Variants in TP73 observed in about 807,000 individuals in gnomAD.
The protein encoded by TP73 is p53-like transcription factor.
A neutral mutation model predicts 62.5 loss-of-function variants in TP73; 25 were observed. The ratio of observed to expected loss-of-function variants is 0.40; its 90% CI spans 0.29 to 0.56. The LOEUF (loss-of-function observed/expected upper bound fraction) is 0.56, where lower values mean the gene tolerates loss of function less well. Ranked by LOEUF, TP73 falls within the 20% of genes least tolerant of loss-of-function variation. TP73 has a pLI of 0.46. For synonymous variants in TP73, 423 were observed against 377.5 expected (o/e 1.12, Z -1.40); for missense variants, 754 against 913.3 (o/e 0.83, Z 2.25).
chr1:3,677,359 C>T (rs965224402), intron 1 of TP73, among the ~76,000 whole-genome samples: 18 of 152,144 alleles, frequency 1.2e-4, no homozygotes, highest in African/African-American at 4.3e-4. Context: ...GGACTTGGAA[C>T]GCTGGTCACC....
chr1:3,674,757 A>G (rs1645325038), intron 1 of TP73, among the ~76,000 whole-genome samples: 1 of 152,092 alleles, frequency 6.6e-6, no homozygotes, highest in Non-Finnish European at 1.5e-5. Context: ...TGGAGGGGAG[A>G]GTGAGGCCCC....
intron 1 of TP73, among the ~76,000 whole-genome samples, chr1:3,674,077 G>C (rs563660011): frequency 6.6e-6 from 1 of 152,348 alleles, no homozygotes; most frequent in South Asian, 2.1e-4. Context: ...CCGTCGTGGG[G>C]TGGCTGGAAT....
At chr1:3,656,758 C>T (rs1644874707) in intron 1 of TP73, among the ~76,000 whole-genome samples, 1 of 152,202 alleles carries the variant, frequency 6.6e-6, no homozygotes, top group Non-Finnish European at 1.5e-5. Flanking sequence ...AAGGGCCCTT[C>T]CAGAACATCT....
chr1:3,685,336 G>A (rs995964946), intron 3 of TP73, among the ~76,000 whole-genome samples: 3 of 152,186 alleles, frequency 2.0e-5, no homozygotes, highest in Admixed American at 2.0e-4. Flanking sequence ...CCACTCCCCA[G>A]CCACAGGGTG....
rs1302279952 is a variant in TP73 at position 3,662,892 on chromosome 1, C to T, written c.-34+10251C>T. On this transcript the variant is annotated intron_variant, in intron 1 of 13. Coordinates refer to ENST00000378295, the MANE Select transcript of TP73 (RefSeq NM_005427.4). The surrounding 1 kb of genome is among the most constrained non-coding windows in gnomAD (Gnocchi z 4.4). ...GACAGCATGGGGCTGCCTCTTCCAG[C>T]AGCTCCGAGCGCTCTCAGAGAAAAA... is the stretch of plus-strand genomic sequence containing the variant. Among the ~76,000 whole-genome samples, 1 of 152,210 alleles carries T rather than the reference C, an allele frequency of 6.6e-6. No individual in the cohort carries two copies. Among genetic ancestry groups the T allele is most frequent in the African/African-American group, 2.4e-5 (1 of 41,444 alleles).
chr1:3,684,335 C>T (rs529583279), intron 3 of TP73, among the ~76,000 whole-genome samples: 1 of 152,250 alleles, frequency 6.6e-6, no homozygotes, highest in Non-Finnish European at 1.5e-5. Flanking sequence ...AGGGTCGGGC[C>T]TCCCTCACTT....
intron 1 of TP73, among the ~76,000 whole-genome samples, chr1:3,669,046 C>T (rs1259297556): frequency 6.6e-6 from 1 of 152,256 alleles, no homozygotes; most frequent in Admixed American, 6.5e-5. Flanking sequence ...TTTCGCAACT[C>T]CAATGTCATC....
At chr1:3,717,598 G>A (rs963963246) in intron 4 of TP73, among the ~76,000 whole-genome samples, 1 of 152,122 alleles carries the variant, frequency 6.6e-6, no homozygotes, top group Non-Finnish European at 1.5e-5. Flanking sequence ...TATAGAATAG[G>A]CTCCACCGGA....
intron 5 of TP73, among the ~76,000 whole-genome samples, chr1:3,723,025 GTGGGCACCTCTCTGCACCTGGCATGCAGC>G (rs1414841186): frequency 1.4e-5 from 2 of 141,930 alleles, no homozygotes; most frequent in East Asian, 2.1e-4. Flanking sequence ...TGACACCGGG[GTGGGCACCTCTCTGCACCTGGCATGCAGC>G]TGGGCACCTC....
rs116802335 is a variant in TP73, at chr1:3,728,313, A to C, written c.1074+96A>C. On this transcript the variant is annotated intron_variant, in intron 9 of 13. Coordinates refer to ENST00000378295, the MANE Select transcript of TP73 (RefSeq NM_005427.4). ...GCCATGGGGAGGGACTCTGGAGACC[A>C]TGGTGGAGGGGGCGGGAGGAGCCCA... 4,494 of 1,317,984 alleles carry C rather than the reference A, an allele frequency of 3.4e-3. 121 individuals carry two copies. The African/African-American group carries it at 0.058, about 17-fold the overall frequency. The allele number at this position is 1,317,984 out of a possible 1,614,324, so 81.6% of individuals were successfully genotyped here.
intron 6 of TP73, 131 bp from the exon 7 acceptor site, chr1:3,726,984 C>T: frequency 3.1e-6 from 2 of 636,866 alleles, no homozygotes; most frequent in Non-Finnish European, 2.7e-6. Context: ...ATACAAATGG[C>T]AACAACTATA....
At chr1:3,709,158 C>T (rs113654873) in intron 4 of TP73, among the ~76,000 whole-genome samples, 1 of 152,306 alleles carries the variant, frequency 6.6e-6, no homozygotes, top group Non-Finnish European at 1.5e-5. Context: ...CGCCCGCCCC[C>T]ACCTGCGGTT....
rs1301457584 is a variant in TP73, at chr1:3,666,561, G to A, written c.-34+13920G>A. Among the ~76,000 whole-genome samples the A allele has an allele frequency of 8.5e-5, 13 of 152,214 alleles. No individual in the cohort carries two copies. Among genetic ancestry groups the A allele is most frequent in the South Asian group, 2.1e-4 (1 of 4,828 alleles). Reference sequence around the variant, plus strand: ...GGGGTCTGACAGTGAAGGTGGGTGCGTGGGCGGGGGGCTTTTAATGGTCCC... The same window carrying A: ...GGGGTCTGACAGTGAAGGTGGGTGCATGGGCGGGGGGCTTTTAATGGTCCC... On this transcript the variant is annotated intron_variant, in intron 1 of 13. Coordinates refer to ENST00000378295, the MANE Select transcript of TP73 (RefSeq NM_005427.4). This position sits in a 1 kb window ranked among gnomAD's most constrained non-coding sequence, Gnocchi z 6.4.
intron 3 of TP73, chr1:3,698,202 G>T: frequency 1.1e-6 from 1 of 887,212 alleles, no homozygotes; most frequent in Non-Finnish European, 1.4e-6. Flanking sequence ...AAGGACACAG[G>T]ATGTCAGGGC....
intron 1 of TP73, among the ~76,000 whole-genome samples, chr1:3,656,198 C>T (rs1644862421): frequency 6.6e-6 from 1 of 151,938 alleles, no homozygotes; most frequent in Admixed American, 6.6e-5. Flanking sequence ...AAAAATCCCT[C>T]TGCTCATTGG....
At chr1:3,726,852 G>A (rs1641676519) in intron 6 of TP73, among the ~76,000 whole-genome samples, 1 of 149,010 alleles carries the variant, frequency 6.7e-6, no homozygotes, top group Non-Finnish European at 1.5e-5. Context: ...TGGATGGATG[G>A]GGTTGGTGGA....
chr1:3,731,199 G>A (rs571178779), intron 12 of TP73, 134 bp downstream of exon 12: 1,106 of 1,303,688 alleles, frequency 8.5e-4, no homozygotes, highest in Non-Finnish European at 1.1e-3. Flanking sequence ...AGGCGGGCGG[G>A]GGCAGTCAGG....
chr1:3,684,239 C>G (rs1645594015), intron 3 of TP73, among the ~76,000 whole-genome samples: 1 of 152,246 alleles, frequency 6.6e-6, no homozygotes, highest in South Asian at 2.1e-4. Context: ...GCCTCCGCCG[C>G]CCAGGGATTC....
intron 3 of TP73, among the ~76,000 whole-genome samples, chr1:3,697,008 T>C (rs1638719945): frequency 6.6e-6 from 1 of 152,124 alleles, no homozygotes; most frequent in Non-Finnish European, 1.5e-5. Context: ...ACTAAACTTA[T>C]CTTCCCCTGA....
Sources: gnomAD v4.1 joint callset for allele counts (sites outside exome capture counted in the v4.1 genomes callset) on GRCh38, gnomAD v4.1.1 for gene constraint, Gnocchi (gnomAD v3.1) non-coding constraint, MANE v1.5 for transcripts, NCBI Gene and HGNC (gene_info 2026-07-23, HGNC 2026-07-21) for gene names.